NRDC: variants seen among roughly 807,000 people sequenced by gnomAD.
The protein encoded by NRDC is nardilysin.
A neutral mutation model predicts 147.1 loss-of-function variants in NRDC; 54 were observed. The ratio of observed to expected loss-of-function variants is 0.37; its 90% CI spans 0.29 to 0.46. The LOEUF (loss-of-function observed/expected upper bound fraction) is 0.46. Ranked by LOEUF, NRDC falls within the 20% of genes least tolerant of loss-of-function variation. NRDC has a pLI of 1.00. For missense variants in NRDC, 1,082 were observed against 1,370.6 expected (o/e 0.79, Z 3.33); for synonymous variants, 440 against 482.1 (o/e 0.91, Z 1.14).
At chr1:51,814,499 C>A in intron 13 of NRDC, 52 bp downstream of exon 13, 1 of 1,567,682 alleles carries the variant, frequency 6.4e-7, no homozygotes, top group Non-Finnish European at 8.7e-7. Flanking sequence ...AGCCTGAAGC[C>A]TCAAATATAC....
chr1:51,852,739 T>C (rs1682037288), intron 1 of NRDC, among the ~76,000 whole-genome samples: 1 of 152,030 alleles, frequency 6.6e-6, no homozygotes, highest in Non-Finnish European at 1.5e-5. Flanking sequence ...TAAATATAAT[T>C]GCCTTTTTGT....
chr1:51,807,045 T>A, intron 17 of NRDC, 132 bp from the exon 18 acceptor site: 1 of 906,688 alleles, frequency 1.1e-6, no homozygotes, highest in Non-Finnish European at 1.5e-6. Flanking sequence ...TTGGAATACA[T>A]TAAATTAGTA....
chr1:51,843,512 T>C (rs185507532), intron 1 of NRDC, among the ~76,000 whole-genome samples: 104 of 152,306 alleles, frequency 6.8e-4, no homozygotes, highest in African/African-American at 2.4e-3. Context: ...TTTTTCTTTG[T>C]CTTGACACTT....
intron 21 of NRDC, 92 bp downstream of exon 21, chr1:51,800,464 C>A: frequency 7.2e-7 from 1 of 1,390,258 alleles, no homozygotes; most frequent in Admixed American, 2.0e-5. Context: ...AAAATTAGCA[C>A]TGCAACTATA....
chr1:51,824,759 A>T (rs1201642916), intron 6 of NRDC, among the ~76,000 whole-genome samples: 1 of 152,222 alleles, frequency 6.6e-6, no homozygotes, highest in East Asian at 1.9e-4. Context: ...AATCAGATAA[A>T]CAGATGTTCA....
At chr1:51,865,837 G>T (rs976771484) in intron 1 of NRDC, among the ~76,000 whole-genome samples, 1 of 151,622 alleles carries the variant, frequency 6.6e-6, no homozygotes, top group Non-Finnish European at 1.5e-5. Context: ...GGATCAGGAG[G>T]TCAGGAGAAC....
chr1:51,806,941 C>A, intron 17 of NRDC, 28 bp from the exon 18 acceptor site: 6 of 1,604,630 alleles, frequency 3.7e-6, no homozygotes, highest in Non-Finnish European at 4.3e-6. Context: ...TAATAATTCA[C>A]TCAAGTATTT....
At chr1:51,872,577 C>T (rs1367926398) in intron 1 of NRDC, among the ~76,000 whole-genome samples, 1 of 152,094 alleles carries the variant, frequency 6.6e-6, no homozygotes. Flanking sequence ...ATGGTGTGCA[C>T]ATGTAGTCCC....
At chr1:51,799,718 T>G (rs1372011584) in intron 21 of NRDC, among the ~76,000 whole-genome samples, 1 of 152,172 alleles carries the variant, frequency 6.6e-6, no homozygotes, top group Non-Finnish European at 1.5e-5. Context: ...CACGCAAAAG[T>G]ATCCTACAGG....
At chr1:51,861,329 TCTTC>T (rs1209734630) in intron 1 of NRDC, among the ~76,000 whole-genome samples, 43 of 132,240 alleles carry the variant, frequency 3.3e-4, no homozygotes, top group Non-Finnish European at 2.0e-4. Flanking sequence ...AATCTCTTCT[TCTTC>T]TTTTTTTTTT....
Position 51,856,210 on chromosome 1 carries a change from G to C in NRDC, c.342-15696C>G, listed in dbSNP as rs191360203. On this transcript the variant is annotated intron_variant, in intron 1 of 30. Transcript: ENST00000352171. ...CATTTCTAGGAAAAACTCTCAAACG[G>C]TTTTTCTTTTTCTCTCATACTACTA... Among the ~76,000 whole-genome samples, 17 of 152,196 alleles carry C rather than the reference G, an allele frequency of 1.1e-4. No homozygotes were observed. In the East Asian group the frequency reaches 3.3e-3, roughly 29 times the overall value.
At chr1:51,824,332 G>A (rs1270265648) in intron 6 of NRDC, among the ~76,000 whole-genome samples, 1 of 151,818 alleles carries the variant, frequency 6.6e-6, no homozygotes, top group Non-Finnish European at 1.5e-5. Context: ...CACCATCTTG[G>A]CCAGGCTGGT....
chr1:51,877,009 A>T (rs1683361456), intron 1 of NRDC, among the ~76,000 whole-genome samples: 2 of 152,078 alleles, frequency 1.3e-5, no homozygotes, highest in Admixed American at 6.6e-5. Flanking sequence ...CAATATGGTG[A>T]AACCCCGTCT....
intron 1 of NRDC, among the ~76,000 whole-genome samples, chr1:51,856,110 G>C (rs889028284): frequency 2.0e-5 from 3 of 152,128 alleles, no homozygotes; most frequent in African/African-American, 7.2e-5. Flanking sequence ...CATTCTTGTA[G>C]GGAAATACAG....
intron 21 of NRDC, 154 bp from the exon 22 acceptor site, chr1:51,798,565 A>G (rs1679041819): frequency 1.6e-6 from 1 of 636,660 alleles, no homozygotes; most frequent in Non-Finnish European, 2.6e-6. Flanking sequence ...GTATCAGATT[A>G]ACCAAAAAAG....
At chr1:51,833,856 C>A (rs1056848685) in intron 4 of NRDC, among the ~76,000 whole-genome samples, 161 bp downstream of exon 4, 1 of 152,188 alleles carries the variant, frequency 6.6e-6, no homozygotes, top group Non-Finnish European at 1.5e-5. Flanking sequence ...TTTAAGCGAG[C>A]CTTCTACCTC....
At chr1:51,869,416 C>A (rs1488909989) in intron 1 of NRDC, among the ~76,000 whole-genome samples, 1 of 152,132 alleles carries the variant, frequency 6.6e-6, no homozygotes, top group African/African-American at 2.4e-5. Flanking sequence ...TGAATACCAT[C>A]CCTAATCGTT....
In NRDC at chr1:51,790,466, C is replaced by T. The variant is rs1678563877; in HGVS notation, c.3168+67G>A. On this transcript the variant is annotated intron_variant, in intron 29 of 30. Transcript: ENST00000352171. ...TCCACACAATGCTGGTGTGCACAGA[C>T]CTGTGATGCCTGTAGAATCAGGAAC... 6.3e-6 allele frequency: 6 copies of T among 947,070 alleles called. No homozygotes were observed. The African/African-American group carries it at 9.6e-5, about 15-fold the overall frequency. 58.7% of individuals were successfully genotyped at this position (947,070 alleles called of 1,614,324 possible).
chr1:51,794,805 G>A lies in NRDC; in HGVS notation c.2636+18C>T, dbSNP rs778469200. 1.2e-6 allele frequency: 2 copies of A among 1,613,708 alleles called. No homozygotes were observed. Among genetic ancestry groups the A allele is most frequent in the South Asian group, 2.2e-5 (2 of 91,004 alleles). ...TGGTAAGAACACATAACCCCAAAGA[G>A]AAAATTCAAATACTTACTCAACAAC... On this transcript the variant is annotated intron_variant, in intron 23 of 30. Transcript: ENST00000352171.
Sources: allele counts gnomAD v4.1 joint callset (sites outside exome capture counted in the v4.1 genomes callset), GRCh38; gene constraint gnomAD v4.1.1; transcripts MANE v1.5; gene names NCBI Gene and HGNC (gene_info 2026-07-23, HGNC 2026-07-21).